Variants in ESRRG observed in about 807,000 individuals in gnomAD.
The protein encoded by ESRRG is estrogen related receptor gamma, also known as estrogen-related receptor gamma.
In ESRRG, 13 loss-of-function variants were observed where a neutral mutation model predicts 44.0. The ratio of observed to expected loss-of-function variants is 0.30; its 90% confidence interval spans 0.19 to 0.47. The LOEUF (loss-of-function observed/expected upper bound fraction) is 0.47. ESRRG is among the 20% of genes least tolerant of loss of function. The pLI is 1.00. For missense variants in ESRRG, 395 were observed against 580.6 expected, an observed-to-expected ratio of 0.68 and a Z score of 3.29; for synonymous variants, 215 against 214.6, an observed-to-expected ratio of 1.00 and a Z score of -0.02.
chr1:216,831,653 A>G (rs1011372925), intron 2 of ESRRG, among the ~76,000 whole-genome samples: 4 of 152,192 alleles, frequency 2.6e-5, no homozygotes, highest in Non-Finnish European at 5.9e-5. Context: ...TAGATAAAAA[A>G]TTTAGATAAT....
At chr1:216,939,359 A>C (rs941366665) in intron 2 of ESRRG, among the ~76,000 whole-genome samples, 2 of 149,248 alleles carry the variant, frequency 1.3e-5, no homozygotes, top group Admixed American at 6.6e-5. Flanking sequence ...AAAAAAAAAA[A>C]AAAAAAAAAA....
intron 1 of ESRRG, 85 bp from the exon 2 acceptor site, chr1:216,677,576 G>A: frequency 1.3e-5 from 15 of 1,159,110 alleles, no homozygotes; most frequent in Non-Finnish European, 1.7e-5. Context: ...CAAAAGAGAT[G>A]GTGAAAAATA....
rs114129674 is a variant in ESRRG, at chr1:217,047,816, A to C, written c.-106+41691T>G. ...TACAAAGAGAGAAAAGGAATTCTAA[A>C]TCCCATAGTTAAGTGCTTTGGCTTT... On this transcript the variant is annotated intron_variant, in intron 1 of 7. Transcript: ENST00000359162. Among the ~76,000 whole-genome samples, 1,220 of 152,254 alleles carry C rather than the reference A, an allele frequency of 8.0e-3. 10 individuals carry two copies. Among genetic ancestry groups the C allele is most frequent in the South Asian group, 0.023 (110 of 4,822 alleles).
At position 216,505,528 on chromosome 1, in the gene ESRRG, G is replaced by A. The variant is rs1385433568; in HGVS notation, c.*1411C>T. ...TGGCTCACAGCTCCTTCTGAGGCAA[G>A]GTCTGTGACTTTGCAAACAGGCAGT... On this transcript the variant is annotated 3_prime_UTR_variant, in exon 7 of 7. Coordinates refer to ENST00000408911, the MANE Select transcript of ESRRG (RefSeq NM_001438.4). The A allele has an allele frequency of 2.0e-5, 3 of 152,424 alleles. No individual in the cohort carries two copies. The highest frequency in any genetic ancestry group is 7.3e-5 in the African/African-American group (3 of 41,366). The allele number at this position is 152,424 out of a possible 1,614,324, so 9.4% of individuals were successfully genotyped here. A position where few individuals can be genotyped will look rare whatever the true frequency, so the allele number is the denominator to read the frequency against.
At chr1:216,568,629 C>T (rs145012071) in intron 3 of ESRRG, among the ~76,000 whole-genome samples, 78 of 152,246 alleles carry the variant, frequency 5.1e-4, no homozygotes, top group South Asian at 1.2e-3. Flanking sequence ...TCCTGAGAGA[C>T]GCAAGAATTG....
intron 3 of ESRRG, among the ~76,000 whole-genome samples, chr1:216,630,976 T>A (rs1339631630): frequency 7.2e-5 from 11 of 151,976 alleles, no homozygotes. Context: ...TCCTGTTTTC[T>A]TTTTTTAAAT....
intron 2 of ESRRG, among the ~76,000 whole-genome samples, chr1:216,918,910 A>G (rs2061500241): frequency 6.7e-6 from 1 of 149,990 alleles, no homozygotes; most frequent in Admixed American, 6.7e-5. Flanking sequence ...GAACTCATTT[A>G]TTAATCTAAA....
chr1:216,838,833 A>C (rs570746885), intron 2 of ESRRG, among the ~76,000 whole-genome samples: 1 of 152,320 alleles, frequency 6.6e-6, no homozygotes, highest in East Asian at 1.9e-4. Context: ...CTTATTACTA[A>C]GGAATGCTAA....
chr1:216,987,641 G>A (rs1018960576), intron 1 of ESRRG, among the ~76,000 whole-genome samples: 1 of 152,176 alleles, frequency 6.6e-6, no homozygotes. Flanking sequence ...TCTACCCTAT[G>A]AGCTTAAGTC....
intron 2 of ESRRG, among the ~76,000 whole-genome samples, chr1:216,738,933 C>T (rs2090320339): frequency 6.6e-6 from 1 of 152,156 alleles, no homozygotes; most frequent in South Asian, 2.1e-4. Context: ...CTTTCTGCAG[C>T]TTCAAACTTC....
At chr1:216,906,602 A>C (rs1448292757) in intron 2 of ESRRG, among the ~76,000 whole-genome samples, 1 of 152,218 alleles carries the variant, frequency 6.6e-6, no homozygotes, top group Non-Finnish European at 1.5e-5. Flanking sequence ...TCCTGGAAAC[A>C]AAAGATGGGC....
chr1:217,076,257 A>T (rs1210994383), intron 1 of ESRRG, among the ~76,000 whole-genome samples: 2 of 152,062 alleles, frequency 1.3e-5, no homozygotes, highest in Non-Finnish European at 2.9e-5. Flanking sequence ...TACTGACTAG[A>T]TCCACCTCCA....
chr1:217,003,741 A>G (rs888880204), intron 1 of ESRRG, among the ~76,000 whole-genome samples: 19 of 151,924 alleles, frequency 1.3e-4, no homozygotes, highest in Non-Finnish European at 1.2e-4. Context: ...CACATTGCCC[A>G]ATCAGATTAC....
At chr1:216,533,901 G>T (rs1357003548) in intron 5 of ESRRG, among the ~76,000 whole-genome samples, 1 of 152,080 alleles carries the variant, frequency 6.6e-6, no homozygotes, top group East Asian at 1.9e-4. Context: ...ATGTAATTAT[G>T]AAATTTTACA....
At chr1:216,969,621 T>C (rs2071218800) in intron 1 of ESRRG, among the ~76,000 whole-genome samples, 1 of 152,168 alleles carries the variant, frequency 6.6e-6, no homozygotes. Context: ...GTTTCGCTTT[T>C]GTTGCCCAGG....
chr1:216,665,228 T>C (rs1176348121), intron 2 of ESRRG, among the ~76,000 whole-genome samples: 1 of 152,146 alleles, frequency 6.6e-6, no homozygotes, highest in Non-Finnish European at 1.5e-5. Context: ...AATTAAACTT[T>C]ATCAAGATAT....
intron 2 of ESRRG, among the ~76,000 whole-genome samples, chr1:216,738,997 T>C (rs1559469492): frequency 6.6e-6 from 1 of 152,138 alleles, no homozygotes; most frequent in Non-Finnish European, 1.5e-5. Flanking sequence ...ATTACAGGTA[T>C]GTCCCACTGC....
intron 5 of ESRRG, among the ~76,000 whole-genome samples, chr1:216,556,652 C>A (rs1343573292): frequency 6.6e-6 from 1 of 152,138 alleles, no homozygotes; most frequent in East Asian, 1.9e-4. Context: ...GGGGTCCTTG[C>A]AGATCTTTCC....
At chr1:216,677,634 AT>A in intron 1 of ESRRG, 143 bp from the exon 2 acceptor site, 3 of 706,298 alleles carry the variant, frequency 4.2e-6, no homozygotes, top group Middle Eastern at 5.2e-4. Context: ...CAGAATTCAT[AT>A]GTTAAAGACA....
Sources: gnomAD v4.1 joint callset for allele counts (sites outside exome capture counted in the v4.1 genomes callset) on GRCh38, gnomAD v4.1.1 for gene constraint, MANE v1.5 for transcripts, NCBI Gene and HGNC (gene_info 2026-07-23, HGNC 2026-07-21) for gene names.